DGKK: variants seen among roughly 807,000 people sequenced by gnomAD.
DGKK encodes the protein 142 kDa diacylglycerol kinase.
DGKK carries 35 observed loss-of-function variants against 92.2 expected under a neutral mutation model. The observed-to-expected ratio is 0.38, with a 90% CI of 0.29 to 0.50. DGKK has a LOEUF of 0.50. Among genes scored for constraint, DGKK ranks in the 20% least tolerant of loss-of-function variants. The pLI is 0.92. For missense variants in DGKK, 910 were observed against 992.2 expected (o/e 0.92, Z 1.11); for synonymous variants, 368 against 360.6 (o/e 1.02, Z -0.23).
Position 50,393,429 on chromosome X carries a change from T to C in DGKK, c.1412-94A>G, listed in dbSNP as rs144847625. 2.7e-5 allele frequency: 19 copies of C among 713,881 alleles called. No homozygotes were observed. The African/African-American group carries it at 3.3e-4, about 12-fold the overall frequency. 58.8% of individuals were successfully genotyped at this position (713,881 alleles called of 1,213,427 possible). A position where few individuals can be genotyped will look rare whatever the true frequency, so the allele number is the denominator to read the frequency against. The stretch of plus-strand genomic sequence containing the variant: ...TAACATCACATTTTGCAATAACTTT[T>C]TGAGTATGAGTCTCAGTCTTTTGAA... On this transcript the variant is annotated intron_variant, in intron 8 of 27. Coordinates refer to ENST00000611977, the MANE Select transcript of DGKK (RefSeq NM_001013742.4).
At chrX:50,432,619 A>G (rs903216154) in intron 1 of DGKK, among the ~76,000 whole-genome samples, 2 of 112,659 alleles carry the variant, frequency 1.8e-5, no homozygotes, top group Non-Finnish European at 3.7e-5. Flanking sequence ...GTGCTTTCAA[A>G]TCTTATTTTA....
intron 1 of DGKK, among the ~76,000 whole-genome samples, chrX:50,428,018 G>A (rs1234017379): frequency 9.1e-6 from 1 of 110,251 alleles, no homozygotes; most frequent in Non-Finnish European, 1.9e-5. Context: ...GGGAGTGGTT[G>A]TTTGAGTTCT....
At chrX:50,426,127 G>T (rs1156582696) in intron 1 of DGKK, among the ~76,000 whole-genome samples, 2 of 111,736 alleles carry the variant, frequency 1.8e-5, no homozygotes, top group African/African-American at 6.5e-5. Flanking sequence ...AACTTGTTCT[G>T]CTCTGTTAAA....
chrX:50,387,854 T>C (rs1047620587), intron 13 of DGKK, among the ~76,000 whole-genome samples: 1 of 111,797 alleles, frequency 8.9e-6, no homozygotes, highest in African/African-American at 3.3e-5. Flanking sequence ...CCCACTTTAG[T>C]TCAGTGTCAC....
chrX:50,436,154 G>A (rs1557230752), intron 1 of DGKK, among the ~76,000 whole-genome samples: 1 of 112,255 alleles, frequency 8.9e-6, no homozygotes, highest in Non-Finnish European at 1.9e-5. Context: ...CTGAAAAGCT[G>A]TACCAATGTG....
chrX:50,433,627 A>G (rs1477424270), intron 1 of DGKK, among the ~76,000 whole-genome samples: 1 of 111,633 alleles, frequency 9.0e-6, no homozygotes, highest in Non-Finnish European at 1.9e-5. Context: ...GTGGCTTATG[A>G]TAAACCTTCC....
intron 4 of DGKK, among the ~76,000 whole-genome samples, chrX:50,410,061 G>A (rs1029089132): frequency 9.8e-5 from 11 of 111,965 alleles, no homozygotes; most frequent in African/African-American, 3.3e-4. Context: ...ATTTTTTATA[G>A]CAGCCCAAAC....
chrX:50,406,019 A>G, intron 4 of DGKK, among the ~76,000 whole-genome samples: 1 of 111,836 alleles, frequency 8.9e-6, no homozygotes, highest in Non-Finnish European at 1.9e-5. Flanking sequence ...TAGGCACTGG[A>G]GATGCAGAGA....
chrX:50,421,893 A>C (rs1331032620), intron 3 of DGKK, among the ~76,000 whole-genome samples: 1 of 111,866 alleles, frequency 8.9e-6, no homozygotes, highest in Non-Finnish European at 1.9e-5. Flanking sequence ...TGGGCCACCA[A>C]GCTTTCTATT....
At chrX:50,411,617 C>T (rs1438332249) in intron 4 of DGKK, among the ~76,000 whole-genome samples, 2 of 112,233 alleles carry the variant, frequency 1.8e-5, no homozygotes, top group African/African-American at 6.5e-5. Flanking sequence ...TAGTATCATT[C>T]TAAATAGTAA....
At chrX:50,404,221 A>AATC (rs1925084837) in intron 4 of DGKK, 37 bp from the exon 5 acceptor site, 1 of 1,176,876 alleles carries the variant, frequency 8.5e-7, no homozygotes, top group African/African-American at 1.8e-5. Flanking sequence ...ATGGAGGATG[A>AATC]ATCACAGAGA....
At chrX:50,453,595 G>A (rs1926541400) in intron 1 of DGKK, among the ~76,000 whole-genome samples, 1 of 111,342 alleles carries the variant, frequency 9.0e-6, no homozygotes, top group African/African-American at 3.3e-5. Context: ...ATGACAAACA[G>A]ACATATACAG....
At chrX:50,466,107 A>G (rs1222593858) in intron 1 of DGKK, among the ~76,000 whole-genome samples, 11 of 94,444 alleles carry the variant, frequency 1.2e-4, no homozygotes, top group African/African-American at 8.1e-5. Flanking sequence ...GGAGATTTTA[A>G]TAAGTGCATA....
intron 25 of DGKK, among the ~76,000 whole-genome samples, chrX:50,372,685 T>C (rs1924172249): frequency 8.9e-6 from 1 of 112,237 alleles, no homozygotes; most frequent in Admixed American, 9.4e-5. Flanking sequence ...GTACAGTCCA[T>C]GGAAGACTTA....
intron 12 of DGKK, among the ~76,000 whole-genome samples, chrX:50,389,790 C>T (rs782546602): frequency 9.0e-6 from 1 of 110,668 alleles, no homozygotes; most frequent in African/African-American, 3.3e-5. Context: ...CATGCTCTCC[C>T]TTGCCTTTGG....
intron 7 of DGKK, among the ~76,000 whole-genome samples, chrX:50,401,518 G>A (rs1557226639): frequency 9.0e-6 from 1 of 111,484 alleles, no homozygotes; most frequent in Non-Finnish European, 1.9e-5. Flanking sequence ...CAACAGGTGT[G>A]TGAGGTAGAA....
At chrX:50,420,721 CCACT>C (rs1270546241) in intron 3 of DGKK, among the ~76,000 whole-genome samples, 15 of 112,063 alleles carry the variant, frequency 1.3e-4, no homozygotes, top group Non-Finnish European at 3.8e-5. Flanking sequence ...CATTTTAATG[CCACT>C]CACTATGTGC....
At chrX:50,405,525 G>GGGGAGAGAGAGAGAGAGA (rs1925128649) in intron 4 of DGKK, among the ~76,000 whole-genome samples, 1 of 101,866 alleles carries the variant, frequency 9.8e-6, no homozygotes, top group Non-Finnish European at 1.9e-5. Flanking sequence ...TTGACAGTGG[G>GGGGAGAGAGAGAGAGAGA]GGGAGAGAGA....
rs781872422 is a variant in DGKK at position 50,470,340 on chromosome X, C to G, written c.339G>C (p.Pro113=). 8 of 1,207,762 alleles carry G rather than the reference C, an allele frequency of 6.6e-6. No homozygotes were observed. The East Asian group carries it at 2.4e-4, about 36-fold the overall frequency. The change falls in exon 1 of 28, where the codon CCG becomes CCC. Residue 113 remains proline, a synonymous_variant. Coordinates refer to ENST00000611977, the MANE Select transcript of DGKK (RefSeq NM_001013742.4). ...CAGACTCTGTGGCAGGTTCTGGGGC[C>G]GGTTCTGGGGCCGGCTCTGTGGCAG... ...PEPATEPAPE[P]APEPATESAP... is the part of the protein sequence containing the mutation.
Sources: gnomAD v4.1 joint callset for allele counts (sites outside exome capture counted in the v4.1 genomes callset) on GRCh38, gnomAD v4.1.1 for gene constraint, MANE v1.5 for transcripts, NCBI Gene and HGNC (gene_info 2026-07-23, HGNC 2026-07-21) for gene names.